The following ROR1 variants were observed in gnomAD, a reference collection of about 807,000 sequenced individuals.
The protein encoded by ROR1 is inactive tyrosine-protein kinase transmembrane receptor ROR1.
A neutral mutation model predicts 78.8 loss-of-function variants in ROR1; 19 were observed. The ratio of observed to expected loss-of-function variants is 0.24; its 90% CI spans 0.17 to 0.35. The LOEUF is 0.35. Ranked by LOEUF, ROR1 falls within the 10% of genes least tolerant of loss-of-function variation. The probability of loss-of-function intolerance (pLI) is 1.00; values close to 1 mark genes in which losing one functional copy is unlikely to be tolerated. For missense variants in ROR1, 917 were observed against 1,177.8 expected (o/e 0.78, Z 3.24); for synonymous variants, 386 against 433.6 (o/e 0.89, Z 1.36).
chr1:63,796,552 G>A (rs998888177), intron 1 of ROR1, among the ~76,000 whole-genome samples: 9 of 152,162 alleles, frequency 5.9e-5, no homozygotes, highest in African/African-American at 1.9e-4. Context: ...ATATAGTTAC[G>A]AAGAATTTAT....
intron 7 of ROR1, among the ~76,000 whole-genome samples, chr1:64,153,815 G>T (rs568944854): frequency 6.6e-6 from 1 of 152,274 alleles, no homozygotes; most frequent in South Asian, 2.1e-4. Flanking sequence ...AAGTTCTGGA[G>T]ATTGGTTGCA....
chr1:63,829,950 A>T (rs1185007655), intron 1 of ROR1, among the ~76,000 whole-genome samples: 3 of 152,154 alleles, frequency 2.0e-5, no homozygotes, highest in African/African-American at 7.2e-5. Flanking sequence ...GTAAATCCTT[A>T]AGCTCCATGA....
chr1:64,115,984 C>T (rs1397004901), intron 4 of ROR1, among the ~76,000 whole-genome samples: 2 of 152,110 alleles, frequency 1.3e-5, no homozygotes, highest in Non-Finnish European at 2.9e-5. Flanking sequence ...TATAAAGTGC[C>T]GGATCATGAA....
intron 4 of ROR1, among the ~76,000 whole-genome samples, chr1:64,116,648 A>G (rs1274058364): frequency 6.6e-6 from 1 of 152,116 alleles, no homozygotes; most frequent in African/African-American, 2.4e-5. Context: ...CAGCTTGAAG[A>G]GCTGGGTATA....
intron 4 of ROR1, among the ~76,000 whole-genome samples, chr1:64,128,910 A>G (rs1648813802): frequency 6.6e-6 from 1 of 152,198 alleles, no homozygotes; most frequent in East Asian, 1.9e-4. Flanking sequence ...TGACAAGGGA[A>G]GCCTTTAGGA....
chr1:64,097,448 A>T (rs1647341351), intron 4 of ROR1, among the ~76,000 whole-genome samples: 1 of 152,116 alleles, frequency 6.6e-6, no homozygotes, highest in Non-Finnish European at 1.5e-5. Context: ...CCCACTTGCC[A>T]TGTAACATAT....
rs542696758 is a variant in ROR1, at chr1:63,853,043, A to G, written c.91+78535A>G. 3.3e-5 allele frequency among the ~76,000 whole-genome samples: 5 copies of G among 152,340 alleles called. No individual in the cohort carries two copies. In the South Asian group the frequency reaches 8.3e-4, roughly 25 times the overall value. On this transcript the variant is annotated intron_variant, in intron 1 of 8. Coordinates refer to ENST00000371079, the MANE Select transcript of ROR1 (RefSeq NM_005012.4). The stretch of plus-strand genomic sequence containing the variant: ...GAGAGTTCTAAGACTGAGATGTTGT[A>G]TCATTATCAGTACCTGGCATAAATA...
intron 1 of ROR1, among the ~76,000 whole-genome samples, chr1:63,880,491 C>T (rs1645315135): frequency 6.6e-6 from 1 of 152,178 alleles, no homozygotes; most frequent in Admixed American, 6.5e-5. Context: ...GGAAGTCATG[C>T]TGTATGCAAG....
At chr1:63,856,643 C>T (rs569222367) in intron 1 of ROR1, among the ~76,000 whole-genome samples, 1 of 152,270 alleles carries the variant, frequency 6.6e-6, no homozygotes, top group African/African-American at 2.4e-5. Flanking sequence ...CCTCCAGACA[C>T]CTTGAGCTGG....
intron 2 of ROR1, among the ~76,000 whole-genome samples, chr1:64,040,426 A>G (rs1646737166): frequency 6.6e-6 from 1 of 152,234 alleles, no homozygotes; most frequent in African/African-American, 2.4e-5. Flanking sequence ...TATGATAAAT[A>G]TAAAGTAACA....
chr1:64,173,514 G>A (rs1188752204), intron 8 of ROR1, among the ~76,000 whole-genome samples: 1 of 152,176 alleles, frequency 6.6e-6, no homozygotes. Context: ...TGGGATTGCT[G>A]GCCAGCAGGC....
chr1:63,797,758 G>C (rs60222792), intron 1 of ROR1, among the ~76,000 whole-genome samples: 1 of 152,106 alleles, frequency 6.6e-6, no homozygotes, highest in East Asian at 1.9e-4. Context: ...ACACTCAAAT[G>C]ATGTTTGTTA....
At chr1:63,829,838 A>G (rs185276764) in intron 1 of ROR1, among the ~76,000 whole-genome samples, 1 of 152,160 alleles carries the variant, frequency 6.6e-6, no homozygotes, top group Non-Finnish European at 1.5e-5. Context: ...CATTTTCAAC[A>G]GTCATTTTAT....
chr1:64,019,247 T>C (rs1375990379), intron 2 of ROR1, among the ~76,000 whole-genome samples: 2 of 152,250 alleles, frequency 1.3e-5, no homozygotes, highest in East Asian at 3.8e-4. Context: ...GTATAGGTGC[T>C]TGGCACTTTG....
intron 4 of ROR1, among the ~76,000 whole-genome samples, chr1:64,125,720 G>A (rs1648689428): frequency 6.6e-6 from 1 of 152,180 alleles, no homozygotes; most frequent in South Asian, 2.1e-4. Context: ...AAGAAATAGG[G>A]ATGGAACTTG....
intron 1 of ROR1, among the ~76,000 whole-genome samples, chr1:63,824,116 T>C (rs1304621568): frequency 6.6e-6 from 1 of 152,074 alleles, no homozygotes; most frequent in Non-Finnish European, 1.5e-5. Flanking sequence ...ATCCAAAAAG[T>C]TTTTTTTCTC....
chr1:64,035,507 C>T (rs1646694962), intron 2 of ROR1, among the ~76,000 whole-genome samples: 1 of 152,144 alleles, frequency 6.6e-6, no homozygotes, highest in South Asian at 2.1e-4. Flanking sequence ...TAACCCTGTC[C>T]TTCTGGTGAG....
intron 5 of ROR1, 93 bp from the exon 6 acceptor site, chr1:64,140,016 G>A (rs989599642): frequency 2.6e-6 from 3 of 1,163,112 alleles, no homozygotes; most frequent in East Asian, 5.1e-5. Context: ...CGGATTCCTT[G>A]CAATGTGTGT....
At chr1:64,162,580 G>A (rs1649976391) in intron 8 of ROR1, among the ~76,000 whole-genome samples, 1 of 152,230 alleles carries the variant, frequency 6.6e-6, no homozygotes, top group African/African-American at 2.4e-5. Flanking sequence ...ACTCTGAGAA[G>A]CCATCTAGCT....
Sources: allele counts gnomAD v4.1 joint callset (sites outside exome capture counted in the v4.1 genomes callset), GRCh38; gene constraint gnomAD v4.1.1; transcripts MANE v1.5; gene names NCBI Gene and HGNC (gene_info 2026-07-23, HGNC 2026-07-21).